CCDC93: variants seen among roughly 807,000 people sequenced by gnomAD.
CCDC93 encodes the protein CCC complex scaffolding subunit CCDC93, also known as coiled-coil domain-containing protein 93.
CCDC93 carries 61 observed loss-of-function variants against 108.2 expected under a neutral mutation model. That is an observed-to-expected ratio of 0.56 (90% CI 0.46 to 0.70). The LOEUF (loss-of-function observed/expected upper bound fraction) is 0.70, where lower values mean the gene tolerates loss of function less well. Ranked by LOEUF, CCDC93 falls within the 30% of genes least tolerant of loss-of-function variation. CCDC93 has a pLI of 0.00. For missense variants in CCDC93, 685 were observed against 764.2 expected (o/e 0.90, Z 1.22); for synonymous variants, 276 against 260.4 (o/e 1.06, Z -0.58).
At chr2:117,936,923 C>T in intron 20 of CCDC93, 184 bp from the exon 21 acceptor site, 1 of 590,076 alleles carries the variant, frequency 1.7e-6, no homozygotes. Context: ...CAGATTTCCT[C>T]AGGGAATCCA....
intron 23 of CCDC93, chr2:117,921,846 G>GA (rs1317631850): frequency 6.6e-6 from 1 of 151,964 alleles, no homozygotes; most frequent in Non-Finnish European, 1.5e-5. Context: ...TGGTAAGGCT[G>GA]AATACTTTGA....
chr2:117,954,600 A>C (rs1470628052), intron 12 of CCDC93, among the ~76,000 whole-genome samples: 1 of 152,102 alleles, frequency 6.6e-6, no homozygotes, highest in Non-Finnish European at 1.5e-5. Context: ...CTGCTGGTTA[A>C]CACCACCTCT....
At chr2:117,948,394 G>A (rs1455386516) in intron 14 of CCDC93, among the ~76,000 whole-genome samples, 5 of 152,140 alleles carry the variant, frequency 3.3e-5, no homozygotes, top group East Asian at 1.9e-4. Flanking sequence ...CATCAATGCC[G>A]GATCCAAGAA....
At chr2:117,971,196 C>A (rs1679748148) in intron 11 of CCDC93, among the ~76,000 whole-genome samples, 1 of 152,092 alleles carries the variant, frequency 6.6e-6, no homozygotes, top group Non-Finnish European at 1.5e-5. Flanking sequence ...AACCCCATCT[C>A]TACAAAAAAT....
intron 21 of CCDC93, 181 bp from the exon 22 acceptor site, chr2:117,935,760 G>A (rs1678501612): frequency 2.4e-6 from 1 of 422,252 alleles, no homozygotes. Context: ...CTAAACCTCT[G>A]AGAAGGCATG....
At position 117,958,613 on chromosome 2, in the gene CCDC93, C is replaced by A. The variant is rs564915619; in HGVS notation, c.889-132G>T. ...CACCAAGCCAGGGCATTTACAGAGG[C>A]CTGTTCAAAACCTGGCGTACAGAAG... On this transcript the variant is annotated intron_variant, in intron 11 of 23. Transcript: ENST00000376300. The A allele has an allele frequency of 1.7e-4, 115 of 663,418 alleles. 1 individual carries two copies. Among genetic ancestry groups the A allele is most frequent in the Non-Finnish European group, 2.1e-4 (78 of 367,994 alleles). The allele number at this position is 663,418 out of a possible 1,614,324, so 41.1% of individuals were successfully genotyped here.
chr2:117,950,882 C>G, intron 13 of CCDC93: 1 of 985,436 alleles, frequency 1.0e-6, no homozygotes, highest in Non-Finnish European at 1.2e-6. Flanking sequence ...GCTGCATGGC[C>G]TCTCTGCCTT....
chr2:117,991,915 C>T (rs1680486274), intron 6 of CCDC93, among the ~76,000 whole-genome samples: 2 of 152,190 alleles, frequency 1.3e-5, no homozygotes, highest in Admixed American at 1.3e-4. Context: ...ATATGCACCA[C>T]AGCCCTAGAG....
rs3832171 is a variant in CCDC93, at chr2:117,920,265, GA to G, written c.*77del. ...CTGCATCTCTCTACTGTCGCTTTCA[GA>G]ACCATTTCATGATCTTGTAGGTGAT... On this transcript the variant is annotated 3_prime_UTR_variant, in exon 24 of 24. Transcript: ENST00000376300. 0.086 allele frequency: 82,524 copies of G among 954,922 alleles called. 4,220 individuals are homozygous for G. Among genetic ancestry groups the G allele is most frequent in the East Asian group, 0.18 (7,337 of 40,384 alleles). The allele number at this position is 954,922 out of a possible 1,614,324, so 59.2% of individuals were successfully genotyped here.
intron 11 of CCDC93, among the ~76,000 whole-genome samples, chr2:117,962,797 CT>C (rs966876099): frequency 2.0e-5 from 3 of 152,170 alleles, no homozygotes; most frequent in African/African-American, 7.2e-5. Flanking sequence ...CTGAAGTTGG[CT>C]TTTTTTCCTG....
At chr2:117,973,835 G>T in intron 11 of CCDC93, 73 bp downstream of exon 11, 1 of 1,141,512 alleles carries the variant, frequency 8.8e-7, no homozygotes, top group Middle Eastern at 2.4e-4. Flanking sequence ...CTGGGGTAGT[G>T]GGGTAAGGAA....
intron 13 of CCDC93, chr2:117,951,671 C>A: frequency 1.0e-6 from 1 of 1,000,234 alleles, no homozygotes; most frequent in Non-Finnish European, 1.2e-6. Flanking sequence ...ACAAGGAAGA[C>A]AGCTTTTCAA....
At position 117,996,507 on chromosome 2, in the gene CCDC93, C is replaced by A. The variant is rs557716847; in HGVS notation, c.364-145G>T. On this transcript the variant is annotated intron_variant, in intron 4 of 23. Transcript: ENST00000376300. ...TAAGAAGCTATCAACACATGCTGTT[C>A]TATAGGAAAAGCAACCAGCTGGGTA... is the stretch of plus-strand genomic sequence containing the variant. 5.3e-5 allele frequency: 31 copies of A among 582,270 alleles called. No individual in the cohort carries two copies. The South Asian group carries it at 6.4e-4, about 12-fold the overall frequency. 36.1% of individuals were successfully genotyped at this position (582,270 alleles called of 1,614,324 possible).
intron 8 of CCDC93, among the ~76,000 whole-genome samples, chr2:117,977,697 C>T (rs1390180868): frequency 2.0e-5 from 3 of 152,198 alleles, no homozygotes; most frequent in Non-Finnish European, 2.9e-5. Context: ...TCTGGGAGCC[C>T]TGGCAGTGGA....
chr2:117,994,078 G>GA (rs1286989390), intron 6 of CCDC93, among the ~76,000 whole-genome samples: 2 of 152,146 alleles, frequency 1.3e-5, no homozygotes, highest in East Asian at 1.9e-4. Flanking sequence ...ATTGGTAAGT[G>GA]AAAAAACCAC....
At chr2:117,983,809 T>C (rs566247611) in intron 7 of CCDC93, among the ~76,000 whole-genome samples, 3 of 152,214 alleles carry the variant, frequency 2.0e-5, no homozygotes, top group African/African-American at 4.8e-5. Context: ...CACACACTTG[T>C]TGGGGCTGTA....
At chr2:117,986,724 A>G (rs1680331509) in intron 6 of CCDC93, among the ~76,000 whole-genome samples, 1 of 152,186 alleles carries the variant, frequency 6.6e-6, no homozygotes, top group Non-Finnish European at 1.5e-5. Flanking sequence ...CACATACGAT[A>G]TAATCTCAAA....
intron 13 of CCDC93, 23 bp from the exon 14 acceptor site, chr2:117,949,418 G>A (rs1236646402): frequency 1.3e-6 from 2 of 1,561,016 alleles, no homozygotes; most frequent in Non-Finnish European, 1.8e-6. Flanking sequence ...ATGAAGACAT[G>A]GTTGCTGGAG....
chr2:117,930,777 G>T, intron 23 of CCDC93: 2 of 311,902 alleles, frequency 6.4e-6, no homozygotes, highest in Non-Finnish European at 1.2e-5. Context: ...CATTTTGTGA[G>T]TTAATGTGCT....
Sources: allele counts gnomAD v4.1 joint callset (sites outside exome capture counted in the v4.1 genomes callset), GRCh38; gene constraint gnomAD v4.1.1; transcripts MANE v1.5; gene names NCBI Gene and HGNC (gene_info 2026-07-23, HGNC 2026-07-21).